The following USP7 variants were observed in gnomAD, a reference collection of about 807,000 sequenced individuals.
USP7 encodes ubiquitin specific peptidase 7, also known as ubiquitin C-terminal hydrolase 7.
A neutral mutation model predicts 162.9 loss-of-function variants in USP7; 9 were observed. The ratio of observed to expected loss-of-function variants is 0.06; its 90% confidence interval spans 0.03 to 0.10. The LOEUF is 0.10. Among genes scored for constraint, USP7 ranks in the 10% least tolerant of loss-of-function variants. The pLI is 1.00. For synonymous variants in USP7, 562 were observed against 475.9 expected (o/e 1.18, Z -2.35); for missense variants, 715 against 1,373.7 (o/e 0.52, Z 7.58).
intron 2 of USP7, among the ~76,000 whole-genome samples, chr16:8,929,097 GGGAACTAGACCC>G (rs1165992800): frequency 4.6e-5 from 7 of 152,090 alleles, no homozygotes; most frequent in Non-Finnish European, 1.0e-4. Flanking sequence ...ATTGCTCTGT[GGGAACTAGACCC>G]GGAATGTTCC....
chr16:8,929,140 T>C (rs2141227761), intron 2 of USP7, among the ~76,000 whole-genome samples: 1 of 152,224 alleles, frequency 6.6e-6, no homozygotes, highest in South Asian at 2.1e-4. Context: ...GGCCTGTCAC[T>C]GCTACACAAG....
chr16:8,902,035 C>G (rs1375147276), intron 18 of USP7, 47 bp downstream of exon 18: 3 of 1,488,380 alleles, frequency 2.0e-6, no homozygotes, highest in South Asian at 1.1e-5. Context: ...ATCCAGGAAT[C>G]CAACGCTACT....
chr16:8,896,912 G>A (rs1200845154), intron 26 of USP7, 87 bp downstream of exon 26: 1 of 996,710 alleles, frequency 1.0e-6, no homozygotes, highest in African/African-American at 1.6e-5. Context: ...ATCCCAGCTG[G>A]GTGATTTCCA....
intron 1 of USP7, among the ~76,000 whole-genome samples, chr16:8,953,665 G>A (rs868778924): frequency 8.7e-3 from 56 of 6,438 alleles, no homozygotes; most frequent in South Asian, 0.024. Context: ...CACGTGCCCC[G>A]TGCGGCGCCA....
intron 1 of USP7, among the ~76,000 whole-genome samples, chr16:8,930,948 G>A (rs537022921): frequency 4.1e-5 from 6 of 147,668 alleles, no homozygotes; most frequent in Admixed American, 2.8e-4. Flanking sequence ...CAGCCTGGCC[G>A]TCAGGGTGAG....
intron 1 of USP7, among the ~76,000 whole-genome samples, chr16:8,955,704 C>CAAAAAAAAAA (rs58029349): frequency 9.9e-6 from 1 of 101,020 alleles, no homozygotes; most frequent in Non-Finnish European, 1.9e-5. Flanking sequence ...GATTCCATCT[C>CAAAAAAAAAA]AAAAAAAAAA....
chr16:8,949,179 A>G (rs1437977703), intron 1 of USP7, among the ~76,000 whole-genome samples: 1 of 152,238 alleles, frequency 6.6e-6, no homozygotes, highest in African/African-American at 2.4e-5. Flanking sequence ...CAATGAAGTT[A>G]TTTTAAAAAT....
intron 1 of USP7, among the ~76,000 whole-genome samples, chr16:8,937,641 A>G (rs1596401603): frequency 6.6e-6 from 1 of 152,300 alleles, no homozygotes; most frequent in East Asian, 1.9e-4. Context: ...GGGCTGCACC[A>G]CTGCCATTCC....
In USP7 at chr16:8,894,781, C is replaced by T; in HGVS notation, c.3111+3G>A. The T allele has an allele frequency of 6.2e-7, 1 of 1,614,264 alleles. No homozygotes were observed. Among genetic ancestry groups the T allele is most frequent in the Non-Finnish European group, 8.5e-7 (1 of 1,180,048 alleles). On this transcript the variant is annotated splice_donor_region_variant and intron_variant, in intron 29 of 30. Coordinates refer to ENST00000344836, the MANE Select transcript of USP7 (RefSeq NM_003470.3). ...AAGCCCCCAGGAGGCCCCAGCTGCA[C>T]ACCTTCTCAAACTCCTTCTCCTGGA...
chr16:8,904,253 TG>T (rs1596358884), intron 15 of USP7, among the ~76,000 whole-genome samples, 181 bp downstream of exon 15: 2 of 152,228 alleles, frequency 1.3e-5, no homozygotes, highest in East Asian at 3.9e-4. Flanking sequence ...GCTGCCCTGC[TG>T]TGCAGTGACC....
In USP7 at chr16:8,895,554, T is replaced by C. The variant is rs2061668139; in HGVS notation, c.2919+88A>G. On this transcript the variant is annotated intron_variant, in intron 27 of 30. Coordinates refer to ENST00000344836, the MANE Select transcript of USP7 (RefSeq NM_003470.3). ...ACTGGTATAAAAACACAAATCAAGC[T>C]ACTTGTACAACTTGCTGTGATATTT... is the stretch of plus-strand genomic sequence containing the variant. 5 of 1,105,822 alleles carry C rather than the reference T, an allele frequency of 4.5e-6. No individual in the cohort carries two copies. In the Admixed American group the frequency reaches 1.0e-4, roughly 22 times the overall value. 68.5% of individuals were successfully genotyped at this position (1,105,822 alleles called of 1,614,324 possible).
At chr16:8,946,653 G>T (rs910913982) in intron 1 of USP7, among the ~76,000 whole-genome samples, 10 of 152,164 alleles carry the variant, frequency 6.6e-5, no homozygotes, top group African/African-American at 2.4e-4. Flanking sequence ...ATACAGGCAT[G>T]GCAAAGGCAC....
At chr16:8,914,467 C>T (rs1048436198) in intron 10 of USP7, among the ~76,000 whole-genome samples, 2 of 152,140 alleles carry the variant, frequency 1.3e-5, no homozygotes, top group African/African-American at 4.8e-5. Flanking sequence ...TTATGCCTAA[C>T]CACCTCAAAT....
At chr16:8,947,840 T>G (rs1899358519) in intron 1 of USP7, among the ~76,000 whole-genome samples, 1 of 152,146 alleles carries the variant, frequency 6.6e-6, no homozygotes, top group African/African-American at 2.4e-5. Flanking sequence ...GGGCATGCCA[T>G]GCCCCTCCCT....
At chr16:8,941,123 G>A (rs913314828) in intron 1 of USP7, among the ~76,000 whole-genome samples, 2 of 149,604 alleles carry the variant, frequency 1.3e-5, no homozygotes, top group African/African-American at 4.9e-5. Flanking sequence ...TTCACATGGG[G>A]CCCATGCCCC....
chr16:8,923,064 G>C, intron 3 of USP7, 151 bp downstream of exon 3: 1 of 623,178 alleles, frequency 1.6e-6, no homozygotes, highest in South Asian at 2.1e-5. Flanking sequence ...TTTCTAGCTT[G>C]GATATTATAC....
chr16:8,896,834 T>C (rs2061688638), intron 26 of USP7, among the ~76,000 whole-genome samples, 165 bp downstream of exon 26: 1 of 152,182 alleles, frequency 6.6e-6, no homozygotes, highest in South Asian at 2.1e-4. Context: ...TGGGTCTGTG[T>C]TGAGCTTCTG....
intron 1 of USP7, among the ~76,000 whole-genome samples, chr16:8,943,175 T>C (rs1024049248): frequency 6.6e-6 from 1 of 152,128 alleles, no homozygotes; most frequent in Non-Finnish European, 1.5e-5. Flanking sequence ...AGCTTTCAGT[T>C]TAGCTTCATT....
Position 8,926,725 on chromosome 16 carries a change from C to A in USP7, c.185-3312G>T, listed in dbSNP as rs376242543. On this transcript the variant is annotated intron_variant, in intron 2 of 30. Transcript: ENST00000344836. Reference sequence around the variant, plus strand: ...TTCACTGCAAAATTAGCACTTCATGCACAAAGACTCCAATCTGCCTGGATG... The same window carrying A: ...TTCACTGCAAAATTAGCACTTCATGAACAAAGACTCCAATCTGCCTGGATG... Among the ~76,000 whole-genome samples, 6 of 152,296 alleles carry A rather than the reference C, an allele frequency of 3.9e-5. No homozygotes were observed. In the East Asian group the frequency reaches 1.2e-3, roughly 29 times the overall value.
Sources: allele counts gnomAD v4.1 joint callset (sites outside exome capture counted in the v4.1 genomes callset), GRCh38; gene constraint gnomAD v4.1.1; transcripts MANE v1.5; gene names NCBI Gene and HGNC (gene_info 2026-07-23, HGNC 2026-07-21).